The following GOLGA7 variants were observed in gnomAD, a reference collection of about 807,000 sequenced individuals.
GOLGA7 encodes the protein golgin A7.
Under a neutral mutation model 21.1 loss-of-function variants are expected in GOLGA7, and 10 were observed. The ratio of observed to expected loss-of-function variants is 0.47; its 90% CI spans 0.29 to 0.80. GOLGA7 has a LOEUF of 0.80. Ranked by LOEUF, GOLGA7 falls within the 30% of genes least tolerant of loss-of-function variation. The probability of loss-of-function intolerance (pLI) is 0.08; values close to 1 mark genes in which losing one functional copy is unlikely to be tolerated. For missense variants in GOLGA7, 114 were observed against 166.8 expected (o/e 0.68, Z 1.74); for synonymous variants, 64 against 62.6 (o/e 1.02, Z -0.10).
intron 2 of GOLGA7, among the ~76,000 whole-genome samples, chr8:41,504,133 A>AAC (rs1021169034): frequency 1.6e-5 from 2 of 126,884 alleles, no homozygotes; most frequent in South Asian, 4.5e-4. Context: ...AAAAAAAAAA[A>AAC]AAACAAAACA....
chr8:41,494,981 G>A (rs1805973193), intron 1 of GOLGA7, among the ~76,000 whole-genome samples: 1 of 151,884 alleles, frequency 6.6e-6, no homozygotes, highest in Non-Finnish European at 1.5e-5. Context: ...CAGGGGGGTG[G>A]ATCACATGAG....
intron 2 of GOLGA7, among the ~76,000 whole-genome samples, chr8:41,502,242 A>G (rs946299162): frequency 1.3e-5 from 2 of 152,188 alleles, no homozygotes; most frequent in Non-Finnish European, 2.9e-5. Context: ...TCCCTTTCCC[A>G]GTTTGTCTCT....
rs898942488 is a variant in GOLGA7, at chr8:41,497,589, A to G, written c.192A>G (p.Ser64=). ...AAGCAGAGAAGCTCGGCGGCCAGTC[A>G]TATCTCGAAGGTTGTTTGGCTTGTT... ...YAEAEKLGGQ[S]YLEGCLACLT... The change falls in exon 2 of 5, where the codon TCA becomes TCG. Residue 64 remains serine (S), a synonymous_variant. Transcript: ENST00000357743. 2 of 1,587,738 alleles carry G rather than the reference A, an allele frequency of 1.3e-6. No homozygotes were observed. The highest frequency in any genetic ancestry group is 1.7e-5 in the Admixed American group (1 of 59,962).
chr8:41,492,624 T>C (rs1165937095), intron 1 of GOLGA7, among the ~76,000 whole-genome samples: 1 of 152,342 alleles, frequency 6.6e-6, no homozygotes, highest in African/African-American at 2.4e-5. Context: ...ATCATGCCAT[T>C]GTACTCCAGC....
chr8:41,493,489 A>G (rs938849089), intron 1 of GOLGA7, among the ~76,000 whole-genome samples: 1 of 152,210 alleles, frequency 6.6e-6, no homozygotes, highest in Non-Finnish European at 1.5e-5. Context: ...GCCTTTTAGA[A>G]TGTAATACTT....
At chr8:41,490,455 C>T (rs538725180), upstream of GOLGA7, 231 of 194,012 alleles carry the variant, frequency 1.2e-3, 1 homozygote, top group African/African-American at 5.0e-3. Context: ...GGCCCAGCCC[C>T]ACAGCGCGCA....
At chr8:41,509,178 G>C (rs185058883) in intron 4 of GOLGA7, among the ~76,000 whole-genome samples, 1 of 152,296 alleles carries the variant, frequency 6.6e-6, no homozygotes. Flanking sequence ...GCTAATGTTT[G>C]TTGGCACATC....
chr8:41,505,090 G>A (rs971133048), intron 2 of GOLGA7, among the ~76,000 whole-genome samples: 1 of 152,196 alleles, frequency 6.6e-6, no homozygotes, highest in African/African-American at 2.4e-5. Flanking sequence ...GATTTGGGAT[G>A]TAGCTATTAA....
At chr8:41,494,735 A>C (rs1253232227) in intron 1 of GOLGA7, among the ~76,000 whole-genome samples, 1 of 152,160 alleles carries the variant, frequency 6.6e-6, no homozygotes, top group East Asian at 1.9e-4. Flanking sequence ...ATTCCTGGAA[A>C]TTTAAAGTAA....
At chr8:41,501,739 A>G (rs1376176269) in intron 2 of GOLGA7, among the ~76,000 whole-genome samples, 1 of 152,246 alleles carries the variant, frequency 6.6e-6, no homozygotes, top group African/African-American at 2.4e-5. Flanking sequence ...TTTTAATCAG[A>G]TATTTGTGAA....
intron 1 of GOLGA7, among the ~76,000 whole-genome samples, chr8:41,494,145 A>G (rs1168012910): frequency 6.6e-6 from 1 of 151,830 alleles, no homozygotes; most frequent in Non-Finnish European, 1.5e-5. Flanking sequence ...CCTCTAACCT[A>G]TAGGGCATTG....
At chr8:41,497,961 C>T (rs1806060825) in intron 2 of GOLGA7, among the ~76,000 whole-genome samples, 1 of 152,114 alleles carries the variant, frequency 6.6e-6, no homozygotes, top group Admixed American at 6.5e-5. Flanking sequence ...TACTTTATTT[C>T]CCTAAATTTC....
In GOLGA7 at chr8:41,510,190, T is replaced by C. The variant is rs1370934781; in HGVS notation, c.*622T>C. On this transcript the variant is annotated 3_prime_UTR_variant, in exon 5 of 5. Transcript: ENST00000357743. ...ATGTATAATGTTATTTGTTTTATTATAGCAATTATGCCTAATTAAAGCAGT... is the reference window on the plus strand; with the variant it reads ...ATGTATAATGTTATTTGTTTTATTACAGCAATTATGCCTAATTAAAGCAGT... 6.6e-6 allele frequency: 1 copy of C among 152,648 alleles called. No homozygotes were observed. Among genetic ancestry groups the C allele is most frequent in the Non-Finnish European group, 1.5e-5 (1 of 68,040 alleles). 9.5% of individuals were successfully genotyped at this position (152,648 alleles called of 1,614,324 possible).
At chr8:41,497,159 A>G (rs1003508048) in intron 1 of GOLGA7, among the ~76,000 whole-genome samples, 9 of 151,348 alleles carry the variant, frequency 5.9e-5, no homozygotes, top group African/African-American at 2.2e-4. Context: ...TGCATAATTA[A>G]ACTCTTAAGG....
intron 2 of GOLGA7, among the ~76,000 whole-genome samples, chr8:41,498,249 C>G (rs1266805644): frequency 6.6e-6 from 1 of 152,226 alleles, no homozygotes; most frequent in Non-Finnish European, 1.5e-5. Context: ...CTTATTCTGT[C>G]TCTCCTAGAC....
At chr8:41,505,582 G>A (rs575994749) in intron 2 of GOLGA7, among the ~76,000 whole-genome samples, 1 of 152,320 alleles carries the variant, frequency 6.6e-6, no homozygotes, top group African/African-American at 2.4e-5. Flanking sequence ...CAGCCATTGT[G>A]TATATAACCA....
At chr8:41,492,390 G>A (rs1214806335) in intron 1 of GOLGA7, among the ~76,000 whole-genome samples, 12 of 152,166 alleles carry the variant, frequency 7.9e-5, no homozygotes, top group East Asian at 5.8e-4. Flanking sequence ...GGCTGGGCCC[G>A]GTGGCTCACG....
chr8:41,497,808 A>C (rs1308316754), intron 2 of GOLGA7, 147 bp downstream of exon 2: 3 of 560,326 alleles, frequency 5.4e-6, no homozygotes, highest in Non-Finnish European at 9.6e-6. Context: ...GTACAGAGGC[A>C]CATAGTCCTG....
chr8:41,490,569 A>C, upstream of GOLGA7: 1 of 427,044 alleles, frequency 2.3e-6, no homozygotes, highest in Non-Finnish European at 4.2e-6. Context: ...GGCAGGACGT[A>C]AGTGACGGCG....
Sources: allele counts gnomAD v4.1 joint callset (sites outside exome capture counted in the v4.1 genomes callset), GRCh38; gene constraint gnomAD v4.1.1; transcripts MANE v1.5; gene names NCBI Gene and HGNC (gene_info 2026-07-23, HGNC 2026-07-21).